The following PKM variants were observed in gnomAD, a reference collection of about 807,000 sequenced individuals.
The protein encoded by PKM is pyruvate kinase M1/2, also known as pyruvate kinase PKM.
In PKM, 18 loss-of-function variants were observed where a neutral mutation model predicts 49.8. That is an observed-to-expected ratio of 0.36 (90% CI 0.25 to 0.54). The LOEUF (loss-of-function observed/expected upper bound fraction) is 0.54, where lower values mean the gene tolerates loss of function less well. PKM is among the 20% of genes least tolerant of loss of function. PKM has a pLI of 0.89. For synonymous variants in PKM, 239 were observed against 261.8 expected, an observed-to-expected ratio of 0.91 and a Z score of 0.84; for missense variants, 508 against 713.8, an observed-to-expected ratio of 0.71 and a Z score of 3.28.
chr15:72,224,901 ATTTTC>A (rs1471200482), intron 1 of PKM, among the ~76,000 whole-genome samples: 1 of 141,560 alleles, frequency 7.1e-6, no homozygotes, highest in Non-Finnish European at 1.5e-5. Context: ...GCTGAGCTGT[ATTTTC>A]TTTAATTTCT....
rs1001485322 is a variant in PKM at position 72,229,479 on chromosome 15, C to T, written c.-14+1637G>A. 8 of 1,002,928 alleles carry T rather than the reference C, an allele frequency of 8.0e-6. 1 individual carries two copies. In the Admixed American group the frequency reaches 1.6e-4, roughly 20 times the overall value. The allele number at this position is 1,002,928 out of a possible 1,614,324, so 62.1% of individuals were successfully genotyped here. The stretch of plus-strand genomic sequence containing the variant: ...CCTTCACTGTCGGCCTCACTTTAAC[C>T]CGTACCAGCAAAGGTCCAAGCCCTG... On this transcript the variant is annotated intron_variant, in intron 1 of 10. Coordinates refer to ENST00000335181, the MANE Select transcript of PKM (RefSeq NM_002654.6).
chr15:72,219,749 C>CA (rs1194725541), intron 1 of PKM, among the ~76,000 whole-genome samples: 1 of 152,180 alleles, frequency 6.6e-6, no homozygotes, highest in Non-Finnish European at 1.5e-5. Context: ...TTGCAATTTG[C>CA]AAAGCAAGGA....
At position 72,227,769 on chromosome 15, in the gene PKM, A is replaced by AC. The variant is rs1567135650; in HGVS notation, c.-14+3346_-14+3347insG. Among the ~76,000 whole-genome samples the AC allele has an allele frequency of 4.3e-3, 386 of 89,770 alleles. 2 individuals carry two copies. Among genetic ancestry groups the AC allele is most frequent in the African/African-American group, 0.017 (369 of 21,680 alleles). 58.9% of individuals were successfully genotyped at this position (89,770 alleles called of 152,430 possible). A position where few individuals can be genotyped will look rare whatever the true frequency, so the allele number is the denominator to read the frequency against. On this transcript the variant is annotated intron_variant, in intron 1 of 10. Coordinates refer to ENST00000335181, the MANE Select transcript of PKM (RefSeq NM_002654.6). ...CAAAAAAAAAAAAAAAAAAAAAAAA[A>AC]AAAAACAAAAAACTGAAGCAAAATA...
In PKM at chr15:72,221,595, T is replaced by A. The variant is rs2082526307; in HGVS notation, c.-13-2485A>T. ...AAAAAAATCCTCTTTATTAACAAAT[T>A]TACTGATATAAATATAAAAATACTT... On this transcript the variant is annotated intron_variant, in intron 1 of 10. Coordinates refer to ENST00000335181, the MANE Select transcript of PKM (RefSeq NM_002654.6). 2.0e-5 allele frequency among the ~76,000 whole-genome samples: 3 copies of A among 152,202 alleles called. No homozygotes were observed. In the South Asian group the frequency reaches 6.2e-4, roughly 32 times the overall value.
chr15:72,212,519 T>C (rs2082280189), intron 3 of PKM, among the ~76,000 whole-genome samples: 2 of 152,092 alleles, frequency 1.3e-5, no homozygotes, highest in Admixed American at 6.5e-5. Context: ...AGTTGTTTTC[T>C]TTTAAGGGGA....
intron 1 of PKM, among the ~76,000 whole-genome samples, chr15:72,224,218 A>G (rs2082601541): frequency 6.6e-6 from 1 of 152,208 alleles, no homozygotes. Flanking sequence ...GTCCTGGGAC[A>G]TGGTGCCTCC....
Position 72,202,939 on chromosome 15 carries a change from G to A in PKM, c.1141-319C>T. 1 of 1,397,710 alleles carries A rather than the reference G, an allele frequency of 7.2e-7. No individual in the cohort carries two copies. The highest frequency in any genetic ancestry group is 1.7e-5 in the Admixed American group (1 of 59,730). 86.6% of individuals were successfully genotyped at this position (1,397,710 alleles called of 1,614,324 possible). A position where few individuals can be genotyped will look rare whatever the true frequency, so the allele number is the denominator to read the frequency against. ...AAGAGGCTCTGTGCCCAGATGCCAG[G>A]TTGGGCCTGGCTGTCTTCTCCTAGA... is the stretch of plus-strand genomic sequence containing the variant. On this transcript the variant is annotated intron_variant, in intron 8 of 10. Transcript: ENST00000335181. The surrounding 1 kb of genome is among the most constrained non-coding windows in gnomAD (Gnocchi z 4.5).
chr15:72,228,286 G>A (rs905630039), intron 1 of PKM, among the ~76,000 whole-genome samples: 4 of 152,006 alleles, frequency 2.6e-5, no homozygotes, highest in African/African-American at 9.7e-5. Flanking sequence ...GCATTAGCTG[G>A]GCACCGGGCT....
intron 3 of PKM, among the ~76,000 whole-genome samples, chr15:72,215,207 A>G (rs1310479179): frequency 2.0e-5 from 3 of 152,198 alleles, no homozygotes; most frequent in Non-Finnish European, 4.4e-5. Flanking sequence ...TCTCAAAAAA[A>G]AAAAGCTGTT....
Position 72,200,979 on chromosome 15 carries a change from C to G in PKM, c.1308-324G>C, listed in dbSNP as rs1316002318. The stretch of plus-strand genomic sequence containing the variant: ...CCCTCCTACACCCTGAACTCTGACA[C>G]AGAGAGGCAGCCCTGGCCCAATGTC... On this transcript the variant is annotated intron_variant, in intron 9 of 10. Transcript: ENST00000335181. The surrounding 1 kb of genome is among the most constrained non-coding windows in gnomAD (Gnocchi z 4.6). 1.1e-5 allele frequency: 3 copies of G among 283,796 alleles called. No individual in the cohort carries two copies. The highest frequency in any genetic ancestry group is 2.0e-5 in the Non-Finnish European group (3 of 148,378). The allele number at this position is 283,796 out of a possible 1,614,324, so 17.6% of individuals were successfully genotyped here. A position where few individuals can be genotyped will look rare whatever the true frequency, so the allele number is the denominator to read the frequency against.
At chr15:72,199,870 ACAC>A in intron 10 of PKM, 114 bp from the exon 11 acceptor site, 1 of 733,432 alleles carries the variant, frequency 1.4e-6, no homozygotes. Flanking sequence ...CTACTTCCTC[ACAC>A]CACAAGGTGG....
chr15:72,226,220 T>C (rs569241221), intron 1 of PKM, among the ~76,000 whole-genome samples: 20 of 152,292 alleles, frequency 1.3e-4, no homozygotes, highest in African/African-American at 4.8e-4. Context: ...AAGGGAGATA[T>C]CAGTTGTTTA....
At chr15:72,230,819 T>C (rs910355423) in intron 1 of PKM, 54 of 646,644 alleles carry the variant, frequency 8.4e-5, no homozygotes, top group Non-Finnish European at 8.2e-5. Flanking sequence ...TGGAGGCGCA[T>C]TGAGGATTGG....
chr15:72,203,351 G>T (rs2081994502), intron 8 of PKM: 2 of 657,354 alleles, frequency 3.0e-6, no homozygotes, highest in South Asian at 3.5e-5. Flanking sequence ...GTAGGGTGAT[G>T]AAAGTCCAAC....
At chr15:72,213,905 C>T (rs1005648075) in intron 3 of PKM, among the ~76,000 whole-genome samples, 1 of 152,170 alleles carries the variant, frequency 6.6e-6, no homozygotes, top group Non-Finnish European at 1.5e-5. Context: ...TCTATTCATA[C>T]TCTTATTTGC....
chr15:72,219,474 C>G (rs754507516), intron 1 of PKM: 1 of 174,906 alleles, frequency 5.7e-6, no homozygotes, highest in Non-Finnish European at 1.2e-5. Flanking sequence ...GAAGGAGCTT[C>G]CAATGAAGGA....
intron 3 of PKM, among the ~76,000 whole-genome samples, chr15:72,211,397 G>A (rs1167162737): frequency 2.0e-5 from 3 of 152,056 alleles, no homozygotes; most frequent in Non-Finnish European, 4.4e-5. Context: ...GATTGGAGGG[G>A]GAAAGGTGGT....
intron 9 of PKM, chr15:72,201,427 G>A (rs2081942518): frequency 1.3e-5 from 2 of 152,266 alleles, no homozygotes; most frequent in Admixed American, 6.5e-5. Context: ...AGCTGGGGAG[G>A]GGCACCAGAA....
intron 8 of PKM, chr15:72,203,914 GTTAT>G (rs2082008116): frequency 6.6e-6 from 1 of 152,332 alleles, no homozygotes; most frequent in Non-Finnish European, 1.5e-5. Flanking sequence ...AAGCCACTGA[GTTAT>G]TTATAGATCA....
Sources: gnomAD v4.1 joint callset for allele counts (sites outside exome capture counted in the v4.1 genomes callset) on GRCh38, gnomAD v4.1.1 for gene constraint, Gnocchi (gnomAD v3.1) non-coding constraint, MANE v1.5 for transcripts, NCBI Gene and HGNC (gene_info 2026-07-23, HGNC 2026-07-21) for gene names.